The following METTL15 variants were observed in gnomAD, a reference collection of about 807,000 sequenced individuals.
The protein encoded by METTL15 is 12S rRNA N(4)-cytidine methyltransferase METTL15.
A neutral mutation model predicts 38.3 loss-of-function variants in METTL15; 34 were observed. The observed-to-expected ratio is 0.89, with a 90% CI of 0.68 to 1.18. The LOEUF is 1.18. Among genes scored for constraint, METTL15 ranks in the 50% most tolerant of loss-of-function variants. The pLI, the probability that METTL15 is intolerant of heterozygous loss-of-function variation, is 0.00. For synonymous variants in METTL15, 162 were observed against 170.9 expected, an observed-to-expected ratio of 0.95 and a Z score of 0.41; for missense variants, 438 against 498.4, an observed-to-expected ratio of 0.88 and a Z score of 1.15.
intron 6 of METTL15, among the ~76,000 whole-genome samples, chr11:28,515,988 C>T (rs757162100): frequency 2.6e-5 from 4 of 152,172 alleles, no homozygotes; most frequent in Admixed American, 1.3e-4. Flanking sequence ...AACATCTAAT[C>T]GTAAGCCCAA....
At chr11:28,216,712 TC>T (rs1264276634) in intron 4 of METTL15, among the ~76,000 whole-genome samples, 3 of 62,434 alleles carry the variant, frequency 4.8e-5, no homozygotes, top group South Asian at 7.2e-4. Flanking sequence ...CCCTCCCCCC[TC>T]CCCCCACCCC....
chr11:28,372,342 A>G (rs1467938829), intron 5 of METTL15, among the ~76,000 whole-genome samples: 2 of 151,980 alleles, frequency 1.3e-5, no homozygotes, highest in African/African-American at 2.4e-5. Context: ...ATCATGGTGA[A>G]TGATCTTTTA....
chr11:28,457,323 G>A (rs969734660), intron 6 of METTL15, among the ~76,000 whole-genome samples: 2 of 152,152 alleles, frequency 1.3e-5, no homozygotes, highest in East Asian at 1.9e-4. Context: ...CATGAATGCA[G>A]CATTATATGT....
chr11:28,291,299 G>A (rs1274603409), intron 5 of METTL15, among the ~76,000 whole-genome samples: 1 of 152,022 alleles, frequency 6.6e-6, no homozygotes, highest in Non-Finnish European at 1.5e-5. Flanking sequence ...ACTTGCCTCA[G>A]CCTCCCAAAA....
rs1343078251 is a variant in METTL15, at chr11:28,331,679, G to A, written c.*838G>A. 2 of 152,056 alleles carry A rather than the reference G, an allele frequency of 1.3e-5. No homozygotes were observed. Among genetic ancestry groups the A allele is most frequent in the Non-Finnish European group, 2.9e-5 (2 of 67,970 alleles). 9.4% of individuals were successfully genotyped at this position (152,056 alleles called of 1,614,324 possible). A position where few individuals can be genotyped will look rare whatever the true frequency, so the allele number is the denominator to read the frequency against. ...ATAGTAAAATCAATGCTCCCTTAAT[G>A]TTGTTACAAAGATATGGTAACTGTA... On this transcript the variant is annotated 3_prime_UTR_variant, in exon 7 of 7. Transcript: ENST00000407364.
intron 3 of METTL15, among the ~76,000 whole-genome samples, chr11:28,180,268 A>G (rs968636991): frequency 3.3e-5 from 5 of 151,892 alleles, no homozygotes; most frequent in Non-Finnish European, 7.4e-5. Flanking sequence ...TTTATATAAC[A>G]GACATTTTAA....
intron 4 of METTL15, among the ~76,000 whole-genome samples, chr11:28,234,267 A>G (rs896397698): frequency 2.5e-4 from 38 of 152,004 alleles, no homozygotes; most frequent in African/African-American, 7.2e-4. Context: ...ATAAACATAC[A>G]TGTGCATGTG....
intron 4 of METTL15, among the ~76,000 whole-genome samples, chr11:28,264,253 A>G (rs1480860442): frequency 6.6e-6 from 1 of 152,114 alleles, no homozygotes; most frequent in Non-Finnish European, 1.5e-5. Context: ...GTTACTATTT[A>G]TATTGCAATT....
chr11:28,319,551 C>A (rs550542730), intron 6 of METTL15, among the ~76,000 whole-genome samples: 30 of 151,592 alleles, frequency 2.0e-4, no homozygotes, highest in African/African-American at 6.3e-4. Flanking sequence ...TCCCTGTGAA[C>A]TTGAGAAGAG....
intron 2 of METTL15, 135 bp downstream of exon 2, chr11:28,110,536 C>G (rs931440178): frequency 6.6e-6 from 1 of 152,286 alleles, no homozygotes; most frequent in Non-Finnish European, 1.5e-5. Context: ...CTCTTCAACA[C>G]GCCTTCAACC....
intron 5 of METTL15, among the ~76,000 whole-genome samples, chr11:28,414,399 A>G (rs755407259): frequency 1.3e-5 from 2 of 152,066 alleles, no homozygotes; most frequent in Non-Finnish European, 2.9e-5. Flanking sequence ...CAATTAGAAG[A>G]CAGCTTATCT....
chr11:28,277,570 C>G (rs1247546478), intron 4 of METTL15, among the ~76,000 whole-genome samples: 3 of 152,002 alleles, frequency 2.0e-5, no homozygotes, highest in Admixed American at 1.3e-4. Flanking sequence ...CGGTAGCACA[C>G]ACCTGTAATC....
chr11:28,137,714 T>C (rs911500832), intron 3 of METTL15, among the ~76,000 whole-genome samples: 1 of 152,198 alleles, frequency 6.6e-6, no homozygotes, highest in Non-Finnish European at 1.5e-5. Context: ...ATTTGTATTT[T>C]ACCATTTGTC....
At chr11:28,414,460 G>T (rs1174786468) in intron 5 of METTL15, among the ~76,000 whole-genome samples, 1 of 152,058 alleles carries the variant, frequency 6.6e-6, no homozygotes. Context: ...CCCAGCCTAT[G>T]ATAGATAGAG....
chr11:28,256,759 C>T (rs1337458889), intron 4 of METTL15, among the ~76,000 whole-genome samples: 1 of 151,760 alleles, frequency 6.6e-6, no homozygotes, highest in Non-Finnish European at 1.5e-5. Context: ...TTTGCTTTGT[C>T]CATGCTTTTC....
At chr11:28,163,549 CTCTG>C (rs1254389839) in intron 3 of METTL15, 59 of 372,576 alleles carry the variant, frequency 1.6e-4, no homozygotes, top group South Asian at 6.8e-4. Context: ...CTCTCTCTCT[CTCTG>C]TGTGTGTGTG....
At chr11:28,490,743 A>G (rs1268849500) in intron 6 of METTL15, among the ~76,000 whole-genome samples, 1 of 152,174 alleles carries the variant, frequency 6.6e-6, no homozygotes, top group Non-Finnish European at 1.5e-5. Flanking sequence ...AGAAAATTAC[A>G]GGAGAAAAAA....
downstream of METTL15, among the ~76,000 whole-genome samples, chr11:28,334,551 A>G (rs1849883661): frequency 6.6e-6 from 1 of 152,030 alleles, no homozygotes; most frequent in South Asian, 2.1e-4. Flanking sequence ...TCAAAGATAT[A>G]TTTTTCTCAT....
intron 5 of METTL15, among the ~76,000 whole-genome samples, chr11:28,378,345 T>C (rs1850343422): frequency 1.3e-5 from 2 of 152,206 alleles, no homozygotes; most frequent in South Asian, 2.1e-4. Flanking sequence ...AGGTGCGGGA[T>C]ATAATCTCGT....
Sources: allele counts gnomAD v4.1 joint callset (sites outside exome capture counted in the v4.1 genomes callset), GRCh38; gene constraint gnomAD v4.1.1; transcripts MANE v1.5; gene names NCBI Gene and HGNC (gene_info 2026-07-23, HGNC 2026-07-21).